NALF1: variants seen among roughly 807,000 people sequenced by gnomAD.
NALF1 encodes the protein family with sequence similarity 155 member A.
NALF1 carries 3 observed loss-of-function variants against 48.4 expected under a neutral mutation model. The ratio of observed to expected loss-of-function variants is 0.06; its 90% confidence interval spans 0.03 to 0.16. The LOEUF (loss-of-function observed/expected upper bound fraction) is 0.16. Among genes scored for constraint, NALF1 ranks in the 10% least tolerant of loss-of-function variants. The pLI is 1.00. For synonymous variants in NALF1, 262 were observed against 245.7 expected, an observed-to-expected ratio of 1.07 and a Z score of -0.62; for missense variants, 526 against 571.5, an observed-to-expected ratio of 0.92 and a Z score of 0.81.
chr13:107,781,623 A>AATGATT (rs370600126), intron 1 of NALF1, among the ~76,000 whole-genome samples: 40 of 151,804 alleles, frequency 2.6e-4, no homozygotes, highest in African/African-American at 9.7e-4. Context: ...ACTCTCACTA[A>AATGATT]ATGACAGAAT....
chr13:107,278,126 G>A (rs938965999), intron 1 of NALF1, among the ~76,000 whole-genome samples: 2 of 152,190 alleles, frequency 1.3e-5, no homozygotes, highest in African/African-American at 4.8e-5. Flanking sequence ...CCACATTGAT[G>A]ATCAGGTCAC....
intron 1 of NALF1, among the ~76,000 whole-genome samples, chr13:107,594,647 A>C (rs971734472): frequency 2.6e-5 from 4 of 152,138 alleles, no homozygotes; most frequent in African/African-American, 4.8e-5. Context: ...TGGCCAAAAC[A>C]ATTTTATATA....
intron 2 of NALF1, among the ~76,000 whole-genome samples, chr13:107,204,801 T>C (rs1879599927): frequency 1.3e-5 from 2 of 152,160 alleles, no homozygotes; most frequent in Admixed American, 1.3e-4. Context: ...ATATTTTGTA[T>C]GAGATTAAAT....
chr13:107,655,020 C>T (rs1205891099), intron 1 of NALF1, among the ~76,000 whole-genome samples: 2 of 152,064 alleles, frequency 1.3e-5, no homozygotes, highest in Admixed American at 6.5e-5. Flanking sequence ...GAGTCATCTA[C>T]GACAAACCCA....
chr13:107,377,917 T>C (rs905413757), intron 1 of NALF1, among the ~76,000 whole-genome samples: 4 of 152,242 alleles, frequency 2.6e-5, no homozygotes, highest in African/African-American at 9.6e-5. Flanking sequence ...CCAGCCATTG[T>C]TCACAAAGTA....
chr13:107,366,388 C>T lies in NALF1; in HGVS notation c.916-155633G>A, dbSNP rs370984702. 1.5e-4 allele frequency among the ~76,000 whole-genome samples: 23 copies of T among 152,226 alleles called. No individual in the cohort carries two copies. The South Asian group carries it at 4.6e-3, about 30-fold the overall frequency. ...CTACATTTTGCTTCCCCTTTTTAGC[C>T]TCTGCTGTCTATGAAATTCTCCAGT... is the stretch of plus-strand genomic sequence containing the variant. On this transcript the variant is annotated intron_variant, in intron 1 of 2. Coordinates refer to ENST00000375915, the MANE Select transcript of NALF1 (RefSeq NM_001080396.3).
At chr13:107,287,710 T>C (rs560103249) in intron 1 of NALF1, among the ~76,000 whole-genome samples, 7 of 135,520 alleles carry the variant, frequency 5.2e-5, no homozygotes, top group African/African-American at 9.8e-5. Flanking sequence ...TTCTTTCTTT[T>C]TTTTTTTTTT....
chr13:107,438,846 A>AAAAAAG (rs1884507708), intron 1 of NALF1, among the ~76,000 whole-genome samples: 1 of 147,962 alleles, frequency 6.8e-6, no homozygotes, highest in Non-Finnish European at 1.5e-5. Flanking sequence ...AAAAAAAAAA[A>AAAAAAG]AAAAAGAATA....
intron 1 of NALF1, among the ~76,000 whole-genome samples, chr13:107,760,374 C>A (rs1207904653): frequency 1.3e-5 from 2 of 152,044 alleles, no homozygotes; most frequent in Non-Finnish European, 2.9e-5. Context: ...CAAGGAGGAA[C>A]ATCTGTAGAA....
intron 1 of NALF1, among the ~76,000 whole-genome samples, chr13:107,499,560 T>C (rs1203800622): frequency 1.3e-5 from 2 of 152,152 alleles, no homozygotes; most frequent in Admixed American, 6.5e-5. Flanking sequence ...AATTCAACTT[T>C]TTGGTTCAAA....
intron 1 of NALF1, among the ~76,000 whole-genome samples, chr13:107,323,187 C>T (rs1882289642): frequency 6.6e-6 from 1 of 152,116 alleles, no homozygotes; most frequent in Non-Finnish European, 1.5e-5. Context: ...TCTATCTCCA[C>T]AAAATTGCAA....
intron 1 of NALF1, among the ~76,000 whole-genome samples, chr13:107,683,973 A>G (rs189970751): frequency 6.6e-6 from 1 of 152,304 alleles, no homozygotes; most frequent in East Asian, 1.9e-4. Context: ...CTCTGGCAAT[A>G]GGCCAACCCT....
intron 1 of NALF1, among the ~76,000 whole-genome samples, chr13:107,563,704 A>T (rs903609435): frequency 1.6e-4 from 24 of 152,194 alleles, no homozygotes; most frequent in African/African-American, 4.6e-4. Context: ...GTGCAGTTAC[A>T]AGGAAATCAA....
chr13:107,570,560 T>TTTTA (rs1372210792), intron 1 of NALF1, among the ~76,000 whole-genome samples: 1 of 115,790 alleles, frequency 8.6e-6, no homozygotes, highest in South Asian at 3.0e-4. Flanking sequence ...TATTTTTTTC[T>TTTTA]TTTATTTATT....
chr13:107,818,164 T>C (rs1879230677), intron 1 of NALF1, among the ~76,000 whole-genome samples: 1 of 152,182 alleles, frequency 6.6e-6, no homozygotes, highest in South Asian at 2.1e-4. Context: ...CTAGGTCAAG[T>C]GCATTAATCT....
intron 1 of NALF1, among the ~76,000 whole-genome samples, chr13:107,365,268 C>A (rs1566496498): frequency 6.6e-6 from 1 of 151,882 alleles, no homozygotes; most frequent in Non-Finnish European, 1.5e-5. Flanking sequence ...TACTGCTTTA[C>A]AACCTACTAA....
chr13:107,641,763 G>T (rs142110844), intron 1 of NALF1, among the ~76,000 whole-genome samples: 4 of 152,096 alleles, frequency 2.6e-5, no homozygotes, highest in African/African-American at 9.7e-5. Flanking sequence ...AACCTGAACC[G>T]TGGCTGGGGG....
intron 1 of NALF1, among the ~76,000 whole-genome samples, chr13:107,288,040 A>G (rs1881533456): frequency 6.6e-6 from 1 of 151,876 alleles, no homozygotes; most frequent in Non-Finnish European, 1.5e-5. Flanking sequence ...ATATACAGAT[A>G]ATTCAAAAGA....
intron 1 of NALF1, among the ~76,000 whole-genome samples, chr13:107,629,897 T>C (rs193256638): frequency 6.6e-6 from 1 of 152,292 alleles, no homozygotes; most frequent in Non-Finnish European, 1.5e-5. Context: ...CTTTCTGGAT[T>C]TGTGTTACAG....
Sources: allele counts gnomAD v4.1 joint callset (sites outside exome capture counted in the v4.1 genomes callset), GRCh38; gene constraint gnomAD v4.1.1; transcripts MANE v1.5; gene names NCBI Gene and HGNC (gene_info 2026-07-23, HGNC 2026-07-21).